The following MARCHF6 variants were observed in gnomAD, a reference collection of about 807,000 sequenced individuals.
The protein encoded by MARCHF6 is E3 ubiquitin-protein ligase MARCHF6.
Under a neutral mutation model 133.7 loss-of-function variants are expected in MARCHF6, and 31 were observed. That is an observed-to-expected ratio of 0.23 (90% CI 0.17 to 0.31). The LOEUF (loss-of-function observed/expected upper bound fraction) is 0.31. Among genes scored for constraint, MARCHF6 ranks in the 10% least tolerant of loss-of-function variants. The pLI, the probability that MARCHF6 is intolerant of heterozygous loss-of-function variation, is 1.00. For synonymous variants in MARCHF6, 395 were observed against 402.5 expected (o/e 0.98, Z 0.22); for missense variants, 723 against 1,121.6 (o/e 0.64, Z 5.08).
chr5:10,381,471 C>T (rs1031951150), intron 3 of MARCHF6, among the ~76,000 whole-genome samples: 18 of 152,082 alleles, frequency 1.2e-4, no homozygotes, highest in Non-Finnish European at 2.1e-4. Flanking sequence ...TTTGGGAAAC[C>T]AGATGATTAT....
chr5:10,394,691 A>C, intron 8 of MARCHF6, 62 bp from the exon 9 acceptor site: 1 of 1,329,030 alleles, frequency 7.5e-7, no homozygotes, highest in Non-Finnish European at 1.1e-6. Flanking sequence ...GGCTTTTCAT[A>C]AATTAGAATA....
chr5:10,398,064 A>G (rs1181814252), intron 10 of MARCHF6, among the ~76,000 whole-genome samples: 1 of 152,160 alleles, frequency 6.6e-6, no homozygotes, highest in African/African-American at 2.4e-5. Context: ...GTCTGATGGA[A>G]TGGGGTTATT....
intron 1 of MARCHF6, among the ~76,000 whole-genome samples, chr5:10,370,788 T>G (rs527373677): frequency 2.5e-4 from 38 of 152,330 alleles, no homozygotes; most frequent in African/African-American, 8.7e-4. Context: ...AATGTTCAGG[T>G]TGGCAGTAAT....
Position 10,368,873 on chromosome 5 carries a change from A to G in MARCHF6, c.20-8925A>G, listed in dbSNP as rs76933103. ...CAGGCGTGAGCCACCGTGCCCAGCC[A>G]GGAGTTTGAGGCTGCAGTGAACTAT... On this transcript the variant is annotated intron_variant, in intron 1 of 25. Coordinates refer to ENST00000274140, the MANE Select transcript of MARCHF6 (RefSeq NM_005885.4). Among the ~76,000 whole-genome samples, 1,300 of 152,096 alleles carry G rather than the reference A, an allele frequency of 8.5e-3. 5 individuals carry two copies. The highest frequency in any genetic ancestry group is 0.012 in the Non-Finnish European group (810 of 67,984).
intron 1 of MARCHF6, among the ~76,000 whole-genome samples, chr5:10,365,685 A>AT (rs763390326): frequency 3.3e-4 from 50 of 152,304 alleles, no homozygotes; most frequent in Non-Finnish European, 4.1e-4. Context: ...AAAAGGAAAT[A>AT]TTTTTTGTAA....
chr5:10,426,789 G>C (rs1416244186), intron 24 of MARCHF6, among the ~76,000 whole-genome samples: 2 of 152,188 alleles, frequency 1.3e-5, no homozygotes, highest in Non-Finnish European at 2.9e-5. Flanking sequence ...GGCAGGATCA[G>C]ATTTCCTTCA....
intron 23 of MARCHF6, among the ~76,000 whole-genome samples, chr5:10,424,272 T>A (rs1339860621): frequency 6.6e-6 from 1 of 152,112 alleles, no homozygotes; most frequent in East Asian, 1.9e-4. Flanking sequence ...AATTGGCAGA[T>A]GCGGCTCCTT....
At chr5:10,381,675 T>C in intron 3 of MARCHF6, 125 bp from the exon 4 acceptor site, 1 of 712,130 alleles carries the variant, frequency 1.4e-6, no homozygotes, top group Non-Finnish European at 2.2e-6. Context: ...TTTATTTTTT[T>C]TAAATAGGAA....
intron 7 of MARCHF6, among the ~76,000 whole-genome samples, chr5:10,393,241 T>C (rs985084870): frequency 6.6e-6 from 1 of 152,018 alleles, no homozygotes; most frequent in Non-Finnish European, 1.5e-5. Flanking sequence ...AATTTAGTTT[T>C]TGTTTTTGTT....
rs1387387680 is a variant in MARCHF6, at chr5:10,436,466, T to C, written c.*2782T>C. ...TCAGAAAATGTTAGTATTGCTGCCCTTCTTCACATAAATTTTTTTTTAAAT... is the reference window on the plus strand; with the variant it reads ...TCAGAAAATGTTAGTATTGCTGCCCCTCTTCACATAAATTTTTTTTTAAAT... On this transcript the variant is annotated 3_prime_UTR_variant, in exon 26 of 26. Transcript: ENST00000274140. 1 of 152,212 alleles carries C rather than the reference T, an allele frequency of 6.6e-6. No individual in the cohort carries two copies. Among genetic ancestry groups the C allele is most frequent in the Non-Finnish European group, 1.5e-5 (1 of 68,036 alleles). 9.4% of individuals were successfully genotyped at this position (152,212 alleles called of 1,614,324 possible).
In MARCHF6 at chr5:10,390,463, C is replaced by T. The variant is rs1298449091; in HGVS notation, c.539C>T (p.Ala180Val). Residue 180 changes from alanine to valine, a missense_variant, in exon 6 of 26, where the codon GCC becomes GTC. Around this residue, in one of 4 missense-constraint regions of MARCHF6, gnomAD observed 97 missense variants for 115.4 expected, o/e 0.84. Transcript: ENST00000274140. Reference sequence around the variant, plus strand: ...GCACCAATTTGGTTGGAGCATGCTGCCCCACCGTTCAATGCTGCGGGGCAT... The same window carrying T: ...GCACCAATTTGGTTGGAGCATGCTGTCCCACCGTTCAATGCTGCGGGGCAT... ...GGAPIWLEHA[A>V]PPFNAAGHHQ... 6 of 1,613,832 alleles carry T rather than the reference C, an allele frequency of 3.7e-6. No individual in the cohort carries two copies. The African/African-American group carries it at 4.0e-5, about 11-fold the overall frequency.
intron 3 of MARCHF6, among the ~76,000 whole-genome samples, chr5:10,380,155 T>TTTTG (rs1491453527): frequency 3.0e-4 from 44 of 145,852 alleles, no homozygotes; most frequent in Admixed American, 2.6e-3. Context: ...TGTGTTTTAG[T>TTTTG]TGTGTGTGTG....
Position 10,403,488 on chromosome 5 carries a change from G to C in MARCHF6, c.1279G>C (p.Val427Leu). The C allele has an allele frequency of 6.2e-7, 1 of 1,613,922 alleles. No individual in the cohort carries two copies. Among genetic ancestry groups the C allele is most frequent in the Non-Finnish European group, 8.5e-7 (1 of 1,179,858 alleles). The change falls in exon 15 of 26, where the codon GTG becomes CTG. Residue 427 changes from valine to leucine, a missense_variant. By Grantham distance (32) the Val-to-Leu change is conservative. This residue lies in a region of MARCHF6 where 492 missense variants were observed against 699.5 expected (regional missense o/e 0.70). Transcript: ENST00000274140. ...PGTTMFLHWL[V>L]GMVYVFYFAS... ...TACTACCATGTTTCTGCATTGGCTA[G>C]TGGGAATGGTATATGTCTTCTACTT...
At chr5:10,406,631 G>A (rs139246936) in intron 16 of MARCHF6, among the ~76,000 whole-genome samples, 227 of 151,940 alleles carry the variant, frequency 1.5e-3, no homozygotes, top group African/African-American at 5.2e-3. Context: ...ATAGTGATTC[G>A]CCCACCTCAG....
At chr5:10,372,843 A>T (rs983752364) in intron 1 of MARCHF6, among the ~76,000 whole-genome samples, 1 of 152,152 alleles carries the variant, frequency 6.6e-6, no homozygotes, top group South Asian at 2.1e-4. Flanking sequence ...CATTCATTCT[A>T]TTATCTCATG....
At position 10,405,667 on chromosome 5, in the gene MARCHF6, T is replaced by G. The variant is rs772422184; in HGVS notation, c.1442T>G (p.Ile481Ser). 4 of 1,594,758 alleles carry G rather than the reference T, an allele frequency of 2.5e-6. No homozygotes were observed. The highest frequency in any genetic ancestry group is 1.7e-4 in the Middle Eastern group (1 of 5,856). ...ATATATAGGCATCTCCGAAGATTTA[T>G]TTTGTCAGTGGTAAGAAGATGTTTC... Reference protein sequence around the residue: ...LPIYRHLRRFILSVIVFGSIV... With the variant: ...LPIYRHLRRFSLSVIVFGSIV... The change falls in exon 16 of 26, where the codon ATT becomes AGT. Residue 481 changes from isoleucine to serine, a missense_variant. Coordinates refer to ENST00000274140, the MANE Select transcript of MARCHF6 (RefSeq NM_005885.4).
chr5:10,424,560 A>G (rs912420161), intron 23 of MARCHF6, among the ~76,000 whole-genome samples: 9 of 152,216 alleles, frequency 5.9e-5, no homozygotes, highest in Non-Finnish European at 1.2e-4. Flanking sequence ...TACTCCCATG[A>G]ATTTTCATCA....
At position 10,402,573 on chromosome 5, in the gene MARCHF6, T is replaced by C. The variant is rs1490243645; in HGVS notation, c.1163T>C (p.Leu388Pro). 6.2e-7 allele frequency: 1 copy of C among 1,613,982 alleles called. No homozygotes were observed. ...GTGGTAGAAATTGGAGTATTCCCTC[T>C]CATTTGTGGTTGGTGGCTGGATATC... ...LVVVEIGVFP[L>P]ICGWWLDICS... Residue 388 changes from leucine to proline, a missense_variant, in exon 14 of 26, where the codon CTC becomes CCC. By Grantham distance (98) the Leu-to-Pro change is moderately conservative. This residue lies in a region of MARCHF6 where 492 missense variants were observed against 699.5 expected (regional missense o/e 0.70). Transcript: ENST00000274140.
intron 10 of MARCHF6, 34 bp from the exon 11 acceptor site, chr5:10,400,747 TGTC>T: frequency 6.9e-7 from 1 of 1,458,186 alleles, no homozygotes; most frequent in Non-Finnish European, 9.6e-7. Context: ...ATTGTTTTGA[TGTC>T]GGAGTTTTCA....
Sources: allele counts gnomAD v4.1 joint callset (sites outside exome capture counted in the v4.1 genomes callset), GRCh38; gene constraint gnomAD v4.1.1; regional missense constraint gnomAD v4.1.1; transcripts MANE v1.5; gene names NCBI Gene and HGNC (gene_info 2026-07-23, HGNC 2026-07-21).